GAB2: variants seen among roughly 807,000 people sequenced by gnomAD.
GAB2 encodes GRB2-associated-binding protein 2.
Under a neutral mutation model 65.5 loss-of-function variants are expected in GAB2, and 26 were observed. That is an observed-to-expected ratio of 0.40 (90% CI 0.29 to 0.55). GAB2 has a LOEUF of 0.55. Ranked by LOEUF, GAB2 falls within the 20% of genes least tolerant of loss-of-function variation. The pLI is 0.53. For missense variants in GAB2, 884 were observed against 875.8 expected, an observed-to-expected ratio of 1.01 and a Z score of -0.12; for synonymous variants, 321 against 329.6, an observed-to-expected ratio of 0.97 and a Z score of 0.28.
At chr11:78,290,124 C>T (rs1866616901) in intron 1 of GAB2, among the ~76,000 whole-genome samples, 1 of 151,928 alleles carries the variant, frequency 6.6e-6, no homozygotes, top group Non-Finnish European at 1.5e-5. Flanking sequence ...AAATAAGAGA[C>T]AAGAAAACAA....
intron 1 of GAB2, among the ~76,000 whole-genome samples, chr11:78,399,868 T>C (rs560732785): frequency 1.3e-5 from 2 of 152,338 alleles, no homozygotes; most frequent in African/African-American, 4.8e-5. Flanking sequence ...TTAGTCTAAT[T>C]TTACAGACAA....
At chr11:78,252,612 A>G (rs1269956440) in intron 2 of GAB2, among the ~76,000 whole-genome samples, 1 of 152,026 alleles carries the variant, frequency 6.6e-6, no homozygotes, top group Non-Finnish European at 1.5e-5. Flanking sequence ...AGACCCTCCT[A>G]TAGCCTCTCT....
At chr11:78,411,558 C>G (rs535620700) in intron 1 of GAB2, among the ~76,000 whole-genome samples, 1 of 152,132 alleles carries the variant, frequency 6.6e-6, no homozygotes, top group Non-Finnish European at 1.5e-5. Flanking sequence ...CACACAAATA[C>G]GTCCAACTGA....
At chr11:78,268,117 C>A (rs1334528007) in intron 2 of GAB2, among the ~76,000 whole-genome samples, 1 of 152,138 alleles carries the variant, frequency 6.6e-6, no homozygotes, top group Non-Finnish European at 1.5e-5. Flanking sequence ...CAGCTTGTAT[C>A]ACTTGACCCT....
At chr11:78,354,781 A>G (rs762813235) in intron 1 of GAB2, among the ~76,000 whole-genome samples, 2 of 152,202 alleles carry the variant, frequency 1.3e-5, no homozygotes, top group Non-Finnish European at 2.9e-5. Flanking sequence ...TCAATCTAAT[A>G]GACTGAAGTG....
At chr11:78,243,711 G>A (rs1160219876) in intron 3 of GAB2, among the ~76,000 whole-genome samples, 1 of 151,800 alleles carries the variant, frequency 6.6e-6, no homozygotes, top group African/African-American at 2.4e-5. Context: ...GGGCACAGTG[G>A]CACGTGCCTG....
At chr11:78,235,322 T>C (rs1231274284) in intron 3 of GAB2, among the ~76,000 whole-genome samples, 2 of 151,750 alleles carry the variant, frequency 1.3e-5, no homozygotes, top group African/African-American at 4.8e-5. Flanking sequence ...CGGGCTAATT[T>C]TTTGTATTTT....
intron 6 of GAB2, 128 bp from the exon 7 acceptor site, chr11:78,222,323 T>A: frequency 1.5e-6 from 1 of 666,104 alleles, no homozygotes; most frequent in South Asian, 1.7e-5. Context: ...ACAGGGAAAC[T>A]GACGCTCAGC....
rs141047937 is a variant in GAB2 at position 78,302,912 on chromosome 11, G to A, written c.76-22011C>T. On this transcript the variant is annotated intron_variant, in intron 1 of 9. Transcript: ENST00000361507. ...TTCACAGCAACGTGGATGGGATGGA[G>A]ACTATTATTCTAAGTGAATTAACTC... is the stretch of plus-strand genomic sequence containing the variant. Among the ~76,000 whole-genome samples the A allele has an allele frequency of 5.9e-5, 9 of 152,312 alleles. No individual in the cohort carries two copies. In the East Asian group the frequency reaches 1.3e-3, roughly 23 times the overall value.
chr11:78,219,050 T>TA lies in GAB2; in HGVS notation c.*221dup. 1 of 539,360 alleles carries TA rather than the reference T, an allele frequency of 1.9e-6. No homozygotes were observed. The allele number at this position is 539,360 out of a possible 1,614,324, so 33.4% of individuals were successfully genotyped here. A position where few individuals can be genotyped will look rare whatever the true frequency, so the allele number is the denominator to read the frequency against. On this transcript the variant is annotated 3_prime_UTR_variant, in exon 10 of 10. Coordinates refer to ENST00000361507, the MANE Select transcript of GAB2 (RefSeq NM_080491.3). ...TGGGTGGAGGCATGGCCATTACTGA[T>TA]AAAAATCACAGCTGGGCCCCGAGTG... is the stretch of plus-strand genomic sequence containing the variant.
rs2134448152 is a variant in GAB2, at chr11:78,219,152, G to A, written c.*120C>T. The A allele has an allele frequency of 5.2e-6, 5 of 962,970 alleles. No individual in the cohort carries two copies. The highest frequency in any genetic ancestry group is 2.5e-5 in the East Asian group (1 of 40,492). 59.7% of individuals were successfully genotyped at this position (962,970 alleles called of 1,614,324 possible). A position where few individuals can be genotyped will look rare whatever the true frequency, so the allele number is the denominator to read the frequency against. On this transcript the variant is annotated 3_prime_UTR_variant, in exon 10 of 10. Transcript: ENST00000361507. Reference sequence around the variant, plus strand: ...GGTCCCTGATGTCAAGTGCTTTGAAGGCTGAGACTGGCAGAGTAGAGAGGA... The same window carrying A: ...GGTCCCTGATGTCAAGTGCTTTGAAAGCTGAGACTGGCAGAGTAGAGAGGA...
At chr11:78,280,245 G>A (rs1456107744) in intron 2 of GAB2, among the ~76,000 whole-genome samples, 1 of 152,188 alleles carries the variant, frequency 6.6e-6, no homozygotes, top group African/African-American at 2.4e-5. Flanking sequence ...AGGGACCAAG[G>A]TGAGACCTTC....
At chr11:78,357,994 A>G (rs1033000553) in intron 1 of GAB2, among the ~76,000 whole-genome samples, 1 of 152,200 alleles carries the variant, frequency 6.6e-6, no homozygotes, top group Non-Finnish European at 1.5e-5. Context: ...ACACATGTAC[A>G]TGTATGTTTA....
At chr11:78,238,201 A>T (rs1865033881) in intron 3 of GAB2, among the ~76,000 whole-genome samples, 1 of 97,458 alleles carries the variant, frequency 1.0e-5, no homozygotes, top group South Asian at 4.6e-4. Context: ...AGTTGAGGGA[A>T]GAAACAAAAA....
At chr11:78,385,531 T>C (rs1000154169) in intron 1 of GAB2, among the ~76,000 whole-genome samples, 2 of 152,054 alleles carry the variant, frequency 1.3e-5, no homozygotes, top group African/African-American at 2.4e-5. Context: ...CACCAAAGAA[T>C]TCACACAGGA....
chr11:78,257,301 C>A (rs1409410854), intron 2 of GAB2, among the ~76,000 whole-genome samples: 1 of 152,168 alleles, frequency 6.6e-6, no homozygotes, highest in African/African-American at 2.4e-5. Context: ...GTGCCCTTTT[C>A]ATCTTTATCC....
chr11:78,309,968 G>A (rs1855457568), intron 1 of GAB2, among the ~76,000 whole-genome samples: 1 of 136,338 alleles, frequency 7.3e-6, no homozygotes, highest in African/African-American at 3.4e-5. Context: ...GTGTGTGTGT[G>A]TGTGCGCGCG....
intron 1 of GAB2, among the ~76,000 whole-genome samples, chr11:78,343,696 T>C (rs941150248): frequency 2.6e-5 from 4 of 152,180 alleles, no homozygotes; most frequent in East Asian, 1.9e-4. Context: ...GAGGCACATA[T>C]GTGATTTTAA....
chr11:78,236,653 G>T (rs955501722), intron 3 of GAB2, among the ~76,000 whole-genome samples: 2 of 152,102 alleles, frequency 1.3e-5, no homozygotes, highest in African/African-American at 4.8e-5. Flanking sequence ...TTCATAGTTT[G>T]CTAAGAAATA....
Sources: gnomAD v4.1 joint callset for allele counts (sites outside exome capture counted in the v4.1 genomes callset) on GRCh38, gnomAD v4.1.1 for gene constraint, MANE v1.5 for transcripts, NCBI Gene and HGNC (gene_info 2026-07-23, HGNC 2026-07-21) for gene names.